Variants in PCM1 observed in about 807,000 individuals in gnomAD.
The protein encoded by PCM1 is pericentriolar material 1 protein.
A neutral mutation model predicts 241.9 loss-of-function variants in PCM1; 157 were observed. The observed-to-expected ratio is 0.65, with a 90% confidence interval of 0.57 to 0.74. The LOEUF (loss-of-function observed/expected upper bound fraction) is 0.74, where lower values mean the gene tolerates loss of function less well. PCM1 is among the 30% of genes least tolerant of loss of function. The pLI, the probability that PCM1 is intolerant of heterozygous loss-of-function variation, is 0.00. For missense variants in PCM1, 3,478 were observed against 2,360.1 expected (o/e 1.47, Z -9.81); for synonymous variants, 1,085 against 784.9 (o/e 1.38, Z -6.39).
intron 27 of PCM1, among the ~76,000 whole-genome samples, chr8:17,990,505 C>A (rs1455536687): frequency 6.7e-6 from 1 of 148,274 alleles, no homozygotes; most frequent in East Asian, 2.0e-4. Flanking sequence ...TTTTCCCCCT[C>A]TCCCATCAGC....
chr8:18,012,120 A>C (rs1403852890), intron 34 of PCM1, among the ~76,000 whole-genome samples: 2 of 152,152 alleles, frequency 1.3e-5, no homozygotes, highest in South Asian at 2.1e-4. Context: ...TCAGCCTCCC[A>C]AAGTTCTGGG....
At position 18,014,723 on chromosome 8, in the gene PCM1, A is replaced by T. The variant is rs1171833218; in HGVS notation, c.5724A>T (p.Leu1908Phe). Residue 1908 changes from leucine (L) to phenylalanine (F), a missense_variant, in exon 36 of 39, where the codon TTA becomes TTT. Coordinates refer to ENST00000325083, the MANE Select transcript of PCM1 (RefSeq NM_006197.4). ...TQQPNPLPLR[L>F]PEMEPLVPRV... is the part of the protein sequence containing the mutation. ...AGCCTAACCCTTTGCCGTTACGTTT[A>T]CCTGAAATGGAACCCTTAGTGCCTA... The T allele has an allele frequency of 2.5e-6, 4 of 1,613,610 alleles. No homozygotes were observed. The highest frequency in any genetic ancestry group is 3.4e-6 in the Non-Finnish European group (4 of 1,179,850).
intron 36 of PCM1, among the ~76,000 whole-genome samples, chr8:18,020,428 T>C (rs1450323517): frequency 6.6e-6 from 1 of 152,180 alleles, no homozygotes; most frequent in South Asian, 2.1e-4. Context: ...TAGACTAACA[T>C]TTTATGATAT....
intron 9 of PCM1, 145 bp downstream of exon 9, chr8:17,953,331 A>G (rs1269513858): frequency 1.1e-5 from 5 of 464,024 alleles, no homozygotes; most frequent in Non-Finnish European, 1.5e-5. Context: ...AAAAGTTTCT[A>G]AGTTGCAAGC....
intron 31 of PCM1, 105 bp from the exon 32 acceptor site, chr8:18,010,504 G>C: frequency 1.3e-6 from 1 of 764,466 alleles, no homozygotes; most frequent in Non-Finnish European, 2.2e-6. Context: ...TACAGGCCAG[G>C]CTTAGGTCTA....
At position 17,953,162 on chromosome 8, in the gene PCM1, G is replaced by A. The variant is rs1473291499; in HGVS notation, c.1264G>A (p.Asp422Asn). Residue 422 changes from aspartate (D) to asparagine (N), a missense_variant, in exon 9 of 39, where the codon GAT becomes AAT. Coordinates refer to ENST00000325083, the MANE Select transcript of PCM1 (RefSeq NM_006197.4). ...GCTTGGAGAACTTCATACACTTCGA[G>A]ATCAGCATCTTAACAATTCATCATG... The part of the protein sequence containing the change: ...KLLGELHTLR[D>N]QHLNNSSSSP... 6.4e-7 allele frequency: 1 copy of A among 1,572,818 alleles called. No individual in the cohort carries two copies. Among genetic ancestry groups the A allele is most frequent in the Non-Finnish European group, 8.6e-7 (1 of 1,156,704 alleles).
intron 1 of PCM1, among the ~76,000 whole-genome samples, chr8:17,923,761 G>T (rs558122801): frequency 2.0e-5 from 3 of 152,088 alleles, no homozygotes; most frequent in African/African-American, 7.2e-5. Flanking sequence ...GCCGGGGGAG[G>T]CGTTCCTGGG....
At chr8:17,924,656 T>G (rs536364848) in intron 1 of PCM1, 57 bp from the exon 2 acceptor site, 1 of 152,396 alleles carries the variant, frequency 6.6e-6, no homozygotes, top group South Asian at 2.1e-4. Context: ...TTTTTTATTC[T>G]GTATTTCATA....
rs376840731 is a variant in PCM1, at chr8:17,938,883, C to T, written c.486C>T (p.Asn162=). 3.2e-4 allele frequency: 516 copies of T among 1,613,618 alleles called. No individual in the cohort carries two copies. The highest frequency in any genetic ancestry group is 5.8e-4 in the Admixed American group (35 of 59,986). Residue 162 remains asparagine (N), a synonymous_variant, in exon 5 of 39, where the codon AAC becomes AAT. Coordinates refer to ENST00000325083, the MANE Select transcript of PCM1 (RefSeq NM_006197.4). ...AAGATGCATCTACAAACCCCCCAAA[C>T]AGAGAAACGATTGGATCAGCACAGT... The part of the protein sequence containing the change: ...KSKDASTNPP[N]RETIGSAQCK...
In PCM1 at chr8:17,989,891, C is replaced by T. The variant is rs1250677449; in HGVS notation, c.4443C>T (p.Thr1481=). The T allele has an allele frequency of 8.4e-6, 13 of 1,544,440 alleles. No individual in the cohort carries two copies. Among genetic ancestry groups the T allele is most frequent in the Non-Finnish European group, 1.1e-5 (13 of 1,142,066 alleles). ...ETFEKNFERE[T]HKISEQNDAD... ...TTGAGAAGAACTTTGAAAGAGAAAC[C>T]CATAAAATAAGTGAGCAAAATGATG... is the stretch of plus-strand genomic sequence containing the variant. Residue 1481 remains threonine (T), a synonymous_variant, in exon 27 of 39, where the codon ACC becomes ACT. Transcript: ENST00000325083.
In PCM1 at chr8:17,993,559, T is replaced by TA. The variant is rs1159916271; in HGVS notation, c.4768dup (p.Thr1590AsnfsTer9). On this transcript the variant is annotated frameshift_variant, in exon 29 of 39. Coordinates refer to ENST00000325083, the MANE Select transcript of PCM1 (RefSeq NM_006197.4). LOFTEE classifies it high-confidence loss of function. ...CTACCATCCCATGTCCTAGAATTGA[T>TA]ACTCAGCAGCTGGACCGGCAAATTA... The TA allele has an allele frequency of 6.3e-7, 1 of 1,598,296 alleles. No individual in the cohort carries two copies. Among genetic ancestry groups the TA allele is most frequent in the East Asian group, 2.2e-5 (1 of 44,462 alleles).
intron 7 of PCM1, among the ~76,000 whole-genome samples, chr8:17,947,879 A>G (rs1370820937): frequency 6.6e-6 from 1 of 152,212 alleles, no homozygotes; most frequent in Non-Finnish European, 1.5e-5. Context: ...TAGTGTATAC[A>G]TTCTTCGTAA....
At chr8:17,998,829 C>G (rs2087994770) in intron 29 of PCM1, among the ~76,000 whole-genome samples, 1 of 152,100 alleles carries the variant, frequency 6.6e-6, no homozygotes, top group African/African-American at 2.4e-5. Flanking sequence ...AGAAATCTAC[C>G]TGGTATTCTG....
At chr8:17,988,992 A>T (rs538202463) in intron 26 of PCM1, among the ~76,000 whole-genome samples, 1 of 152,030 alleles carries the variant, frequency 6.6e-6, no homozygotes, top group South Asian at 2.1e-4. Flanking sequence ...TCACAAAAAC[A>T]CTTGCACATT....
At chr8:17,961,959 T>G in intron 15 of PCM1, 75 bp from the exon 16 acceptor site, 3 of 1,376,078 alleles carry the variant, frequency 2.2e-6, no homozygotes, top group South Asian at 2.6e-5. Flanking sequence ...AGTGCCATAT[T>G]TAAAGTAACT....
intron 23 of PCM1, chr8:17,980,354 C>T: frequency 2.9e-6 from 1 of 344,038 alleles, no homozygotes; most frequent in Non-Finnish European, 5.2e-6. Flanking sequence ...TTGGAATATA[C>T]TCATTAAGAT....
intron 2 of PCM1, among the ~76,000 whole-genome samples, chr8:17,928,784 A>G (rs1482780473): frequency 1.3e-5 from 2 of 151,752 alleles, no homozygotes; most frequent in South Asian, 2.1e-4. Flanking sequence ...GGCATGTGCC[A>G]CCATACCTGG....
chr8:17,931,639 A>C (rs903872392), intron 2 of PCM1, among the ~76,000 whole-genome samples: 12 of 152,176 alleles, frequency 7.9e-5, no homozygotes, highest in Admixed American at 2.0e-4. Context: ...GATAAAAATG[A>C]TATGTAATAA....
chr8:17,957,575 C>A lies in PCM1; in HGVS notation c.1840C>A (p.His614Asn). The A allele has an allele frequency of 6.4e-7, 1 of 1,572,748 alleles. No individual in the cohort carries two copies. Among genetic ancestry groups the A allele is most frequent in the Non-Finnish European group, 8.6e-7 (1 of 1,157,496 alleles). ...RYNREGEQEI[H>N]VAQGEDDEEE... The stretch of plus-strand genomic sequence containing the variant: ...TAATAGAGAAGGGGAACAGGAGATT[C>A]ATGTTGCACAAGGTGAAGATGATGA... The change falls in exon 13 of 39, where the codon CAT (histidine) becomes AAT (asparagine). Residue 614 changes from histidine (H) to asparagine (N), a missense_variant. Coordinates refer to ENST00000325083, the MANE Select transcript of PCM1 (RefSeq NM_006197.4).
Sources: gnomAD v4.1 joint callset for allele counts (sites outside exome capture counted in the v4.1 genomes callset) on GRCh38, gnomAD v4.1.1 for gene constraint, MANE v1.5 for transcripts, NCBI Gene and HGNC (gene_info 2026-07-23, HGNC 2026-07-21) for gene names.